The following EYA4 variants were observed in gnomAD, a reference collection of about 807,000 sequenced individuals.
EYA4 encodes the protein protein phosphatase EYA4.
EYA4 carries 31 observed loss-of-function variants against 87.9 expected under a neutral mutation model. The ratio of observed to expected loss-of-function variants is 0.35; its 90% CI spans 0.27 to 0.48. The LOEUF (loss-of-function observed/expected upper bound fraction) is 0.48. EYA4 is among the 20% of genes least tolerant of loss of function. The pLI is 0.99. For synonymous variants in EYA4, 263 were observed against 270.6 expected (o/e 0.97, Z 0.28); for missense variants, 678 against 761.4 (o/e 0.89, Z 1.29).
chr6:133,460,105 G>A (rs527966343), intron 6 of EYA4, among the ~76,000 whole-genome samples: 10 of 152,042 alleles, frequency 6.6e-5, no homozygotes, highest in South Asian at 4.2e-4. Flanking sequence ...TAAAAGTTTC[G>A]CTCCAGAATT....
intron 3 of EYA4, among the ~76,000 whole-genome samples, chr6:133,409,115 G>A (rs1222060639): frequency 2.6e-5 from 4 of 152,098 alleles, no homozygotes; most frequent in Non-Finnish European, 1.5e-5. Flanking sequence ...TCAAGGGTGG[G>A]TTGGCAAGGT....
intron 13 of EYA4, among the ~76,000 whole-genome samples, chr6:133,501,985 T>G (rs1019746040): frequency 6.6e-6 from 1 of 152,202 alleles, no homozygotes; most frequent in Non-Finnish European, 1.5e-5. Flanking sequence ...ACTGGCAACA[T>G]CTGGCTTAGA....
At chr6:133,526,318 T>C (rs1800627428) in intron 19 of EYA4, among the ~76,000 whole-genome samples, 2 of 152,198 alleles carry the variant, frequency 1.3e-5, no homozygotes, top group Admixed American at 6.5e-5. Flanking sequence ...TGTATCACCC[T>C]AAGGAGATTT....
chr6:133,299,979 T>C lies in EYA4; in HGVS notation c.33+25166T>C, dbSNP rs906874029. Among the ~76,000 whole-genome samples, 6 of 149,378 alleles carry C rather than the reference T, an allele frequency of 4.0e-5. No homozygotes were observed. The South Asian group carries it at 6.3e-4, about 16-fold the overall frequency. ...TCTATATATATATATATCTTTTGAC[T>C]ACCCCACAACCCAACTACTAATAGC... is the stretch of plus-strand genomic sequence containing the variant. On this transcript the variant is annotated intron_variant, in intron 2 of 19. Transcript: ENST00000355286.
At chr6:133,283,331 T>C (rs1351430745) in intron 2 of EYA4, among the ~76,000 whole-genome samples, 2 of 151,900 alleles carry the variant, frequency 1.3e-5, no homozygotes, top group Non-Finnish European at 1.5e-5. Flanking sequence ...AAAATGAAAA[T>C]AATTTTTATG....
chr6:133,340,844 T>C lies in EYA4; in HGVS notation c.34-41548T>C, dbSNP rs565322481. On this transcript the variant is annotated intron_variant, in intron 2 of 19. Transcript: ENST00000355286. ...ATCTAACTTTTCGAAAGAGTCCCTCTGGCTGCTGTGTGAAGAAAGGAATCA... is the reference window on the plus strand; with the variant it reads ...ATCTAACTTTTCGAAAGAGTCCCTCCGGCTGCTGTGTGAAGAAAGGAATCA... 8.7e-4 allele frequency among the ~76,000 whole-genome samples: 132 copies of C among 152,212 alleles called. 1 individual carries two copies. Among genetic ancestry groups the C allele is most frequent in the African/African-American group, 3.1e-3 (130 of 41,558 alleles).
intron 3 of EYA4, among the ~76,000 whole-genome samples, chr6:133,419,356 T>G (rs1790024926): frequency 6.6e-6 from 1 of 152,204 alleles, no homozygotes; most frequent in Non-Finnish European, 1.5e-5. Flanking sequence ...AATTTCCTTG[T>G]CCTTCACAAG....
At chr6:133,444,620 G>A (rs193140959) in intron 3 of EYA4, among the ~76,000 whole-genome samples, 1 of 152,248 alleles carries the variant, frequency 6.6e-6, no homozygotes, top group East Asian at 1.9e-4. Flanking sequence ...TAGGGTAAGA[G>A]GGAATAGTCA....
intron 3 of EYA4, among the ~76,000 whole-genome samples, chr6:133,445,727 C>T (rs572183557): frequency 1.3e-3 from 198 of 152,100 alleles, no homozygotes; most frequent in African/African-American, 4.5e-3. Context: ...TACAGGCGCC[C>T]GCCACCAAGC....
At chr6:133,324,333 T>C (rs1232240970) in intron 2 of EYA4, among the ~76,000 whole-genome samples, 1 of 152,176 alleles carries the variant, frequency 6.6e-6, no homozygotes, top group Non-Finnish European at 1.5e-5. Context: ...TTTAAGCTCC[T>C]GTAATTTTGA....
At chr6:133,322,438 A>G (rs1033219892) in intron 2 of EYA4, among the ~76,000 whole-genome samples, 1 of 152,214 alleles carries the variant, frequency 6.6e-6, no homozygotes, top group East Asian at 1.9e-4. Context: ...TAAGAAACAC[A>G]TGATTATTGT....
At chr6:133,343,689 A>G (rs984597144) in intron 2 of EYA4, among the ~76,000 whole-genome samples, 2 of 151,628 alleles carry the variant, frequency 1.3e-5, no homozygotes, top group African/African-American at 4.9e-5. Flanking sequence ...ACACCACATT[A>G]CTATTTACAA....
intron 3 of EYA4, among the ~76,000 whole-genome samples, chr6:133,433,427 A>G (rs959133283): frequency 5.9e-5 from 9 of 152,218 alleles, no homozygotes; most frequent in African/African-American, 2.2e-4. Flanking sequence ...AACTGATATA[A>G]ATCTGGAGGT....
intron 13 of EYA4, among the ~76,000 whole-genome samples, chr6:133,490,067 AGTTT>A (rs1797013366): frequency 6.6e-6 from 1 of 152,146 alleles, no homozygotes; most frequent in South Asian, 2.1e-4. Flanking sequence ...CTGGTTTGTT[AGTTT>A]GTTGGTTTAT....
chr6:133,459,186 G>A lies in EYA4; in HGVS notation c.371-1928G>A, dbSNP rs561967860. 5.3e-5 allele frequency among the ~76,000 whole-genome samples: 8 copies of A among 152,164 alleles called. No homozygotes were observed. In the East Asian group the frequency reaches 7.7e-4, roughly 15 times the overall value. ...GCATAAACTTTCCTACGTGAACATC[G>A]TAGTTTTCTGAGCCAAAGGTTTTCT... is the stretch of plus-strand genomic sequence containing the variant. On this transcript the variant is annotated intron_variant, in intron 6 of 19. Transcript: ENST00000355286.
At chr6:133,329,992 C>T (rs190818944) in intron 2 of EYA4, among the ~76,000 whole-genome samples, 2 of 152,050 alleles carry the variant, frequency 1.3e-5, no homozygotes, top group East Asian at 3.9e-4. Context: ...TGAATTGGGT[C>T]AGAGCCAGGA....
At chr6:133,400,709 T>G (rs1170011114) in intron 3 of EYA4, among the ~76,000 whole-genome samples, 2 of 152,100 alleles carry the variant, frequency 1.3e-5, no homozygotes, top group Non-Finnish European at 2.9e-5. Context: ...ACCTTATTTT[T>G]TTACAGTGTT....
At chr6:133,490,269 C>A (rs770216867) in intron 13 of EYA4, among the ~76,000 whole-genome samples, 39 of 151,688 alleles carry the variant, frequency 2.6e-4, no homozygotes, top group Non-Finnish European at 1.6e-4. Flanking sequence ...AACCACAAAA[C>A]AACCAGCAAA....
At chr6:133,426,503 T>C (rs896265289) in intron 3 of EYA4, among the ~76,000 whole-genome samples, 1 of 152,220 alleles carries the variant, frequency 6.6e-6, no homozygotes, top group Non-Finnish European at 1.5e-5. Context: ...TGCTAACCTA[T>C]GTCAGTAAAT....
Sources: allele counts gnomAD v4.1 joint callset (sites outside exome capture counted in the v4.1 genomes callset), GRCh38; gene constraint gnomAD v4.1.1; transcripts MANE v1.5; gene names NCBI Gene and HGNC (gene_info 2026-07-23, HGNC 2026-07-21).